POC5: variants seen among roughly 807,000 people sequenced by gnomAD.
POC5 encodes centrosomal protein POC5.
In POC5, 48 loss-of-function variants were observed where a neutral mutation model predicts 62.9. The observed-to-expected ratio is 0.76, with a 90% CI of 0.61 to 0.97. The LOEUF (loss-of-function observed/expected upper bound fraction) is 0.97. POC5 is among the 50% of genes least tolerant of loss of function. The pLI is 0.00. For synonymous variants in POC5, 236 were observed against 228.2 expected, an observed-to-expected ratio of 1.03 and a Z score of -0.31; for missense variants, 696 against 679.5, an observed-to-expected ratio of 1.02 and a Z score of -0.27.
At chr5:75,688,980 A>C in intron 9 of POC5, 32 bp downstream of exon 9, 1 of 1,504,044 alleles carries the variant, frequency 6.6e-7, no homozygotes, top group African/African-American at 1.4e-5. Context: ...TTTTTTTGAA[A>C]TTAGGCAGAG....
intron 7 of POC5, among the ~76,000 whole-genome samples, chr5:75,690,924 A>C (rs992178769): frequency 1.2e-4 from 19 of 152,246 alleles, no homozygotes; most frequent in African/African-American, 4.1e-4. Context: ...GGAGAATAAC[A>C]GAGTGGCTAG....
intron 10 of POC5, among the ~76,000 whole-genome samples, chr5:75,683,428 T>G (rs1580003494): frequency 6.6e-6 from 1 of 151,932 alleles, no homozygotes; most frequent in East Asian, 1.9e-4. Flanking sequence ...AGAGACAGGA[T>G]TTCACCATCT....
intron 2 of POC5, among the ~76,000 whole-genome samples, chr5:75,711,057 A>G (rs1013713854): frequency 6.6e-6 from 1 of 152,264 alleles, no homozygotes; most frequent in Non-Finnish European, 1.5e-5. Context: ...ATATGTCAAT[A>G]GTATTCCATG....
rs1375372587 is a variant in POC5, at chr5:75,712,835, T to C, written c.84+19A>G. The C allele has an allele frequency of 6.4e-7, 1 of 1,568,536 alleles. No homozygotes were observed. The highest frequency in any genetic ancestry group is 1.4e-5 in the African/African-American group (1 of 73,414). On this transcript the variant is annotated intron_variant, in intron 2 of 11. Coordinates refer to ENST00000428202, the MANE Select transcript of POC5 (RefSeq NM_001099271.2). ...TTAAAATAAAAAAAGTCATGGTAAA[T>C]TTAGAAATTTTTTCCTACCTGAAGA...
At chr5:75,702,156 C>T (rs1482924031) in intron 5 of POC5, among the ~76,000 whole-genome samples, 1 of 151,606 alleles carries the variant, frequency 6.6e-6, no homozygotes, top group Non-Finnish European at 1.5e-5. Flanking sequence ...ACACCGGGGC[C>T]TGTCAGGGGG....
chr5:75,694,533 T>C lies in POC5; in HGVS notation c.690+122A>G. ...GAAGAATAAATCCAATGGCTATGAA[T>C]TTTTCTGTCAGTTTCTGATAGAACC... On this transcript the variant is annotated intron_variant, in intron 6 of 11. Transcript: ENST00000428202. The C allele has an allele frequency of 3.7e-6, 3 of 804,358 alleles. No individual in the cohort carries two copies. In the South Asian group the frequency reaches 7.6e-5, roughly 20 times the overall value. The allele number at this position is 804,358 out of a possible 1,614,324, so 49.8% of individuals were successfully genotyped here.
chr5:75,683,795 T>C (rs1390994109), intron 10 of POC5, among the ~76,000 whole-genome samples: 1 of 151,698 alleles, frequency 6.6e-6, no homozygotes, highest in Admixed American at 6.6e-5. Context: ...CCTTGAACTC[T>C]TGGGCTCAAG....
In POC5 at chr5:75,698,088, A is replaced by G; in HGVS notation, c.514-3257T>C. Among the ~76,000 whole-genome samples the G allele has an allele frequency of 1.4e-5, 2 of 143,292 alleles. 1 individual carries two copies. The highest frequency in any genetic ancestry group is 3.1e-5 in the Non-Finnish European group (2 of 64,366). The allele number at this position is 143,292 out of a possible 152,430, so 94.0% of individuals were successfully genotyped here. ...TAAAGCAAGTCCTGAGTGACCTACA[A>G]AGAGACTTAGACTCCCACATATTAA... On this transcript the variant is annotated intron_variant, in intron 5 of 11. Coordinates refer to ENST00000428202, the MANE Select transcript of POC5 (RefSeq NM_001099271.2).
At chr5:75,679,150 T>A (rs1775783230) in intron 10 of POC5, among the ~76,000 whole-genome samples, 1 of 152,176 alleles carries the variant, frequency 6.6e-6, no homozygotes, top group East Asian at 1.9e-4. Flanking sequence ...TCAATGCACA[T>A]CCATTTTTTT....
At chr5:75,688,364 A>G (rs1166268752) in intron 9 of POC5, among the ~76,000 whole-genome samples, 6 of 152,210 alleles carry the variant, frequency 3.9e-5, no homozygotes, top group Non-Finnish European at 8.8e-5. Flanking sequence ...CTTCGCTCAG[A>G]GAAGAAATCT....
chr5:75,685,562 A>G, intron 9 of POC5, 78 bp from the exon 10 acceptor site: 1 of 1,454,556 alleles, frequency 6.9e-7, no homozygotes, highest in Non-Finnish European at 9.3e-7. Flanking sequence ...GAAAACACAT[A>G]CTGGCTAAAG....
intron 5 of POC5, among the ~76,000 whole-genome samples, chr5:75,701,211 C>G (rs1244697565): frequency 7.0e-6 from 1 of 142,494 alleles, no homozygotes; most frequent in Non-Finnish European, 1.6e-5. Flanking sequence ...CCAGCCATCC[C>G]ATTACGGGGT....
chr5:75,685,245 C>T lies in POC5; in HGVS notation c.1369G>A (p.Gly457Ser), dbSNP rs1394242973. 1 of 1,613,806 alleles carries T rather than the reference C, an allele frequency of 6.2e-7. No homozygotes were observed. The highest frequency in any genetic ancestry group is 1.3e-5 in the African/African-American group (1 of 75,032). The change falls in exon 10 of 12, where the codon GGT becomes AGT. Residue 457 changes from glycine to serine, a missense_variant. Gly to Ser is a moderately conservative substitution (Grantham distance 56). Transcript: ENST00000428202. The part of the protein sequence containing the change: ...SSVHVPVSAL[G>S]AGSAATAASE... ...GCAGCAGTAGCTGCAGATCCTGCACCAAGAGCAGAAACAGGAACGTGAACA... is the reference window on the plus strand; with the variant it reads ...GCAGCAGTAGCTGCAGATCCTGCACTAAGAGCAGAAACAGGAACGTGAACA...
intron 11 of POC5, among the ~76,000 whole-genome samples, chr5:75,677,250 C>T (rs186148335): frequency 1.4e-4 from 21 of 152,302 alleles, no homozygotes; most frequent in African/African-American, 4.8e-4. Flanking sequence ...AAATTCAATG[C>T]ACCTTCTTTA....
intron 5 of POC5, 117 bp downstream of exon 5, chr5:75,702,488 T>C (rs1580050221): frequency 4.0e-6 from 4 of 994,358 alleles, no homozygotes; most frequent in East Asian, 5.2e-5. Context: ...TAAACTGATC[T>C]CAGGAAACAA....
intron 1 of POC5, among the ~76,000 whole-genome samples, chr5:75,716,950 T>C (rs1215390751): frequency 6.6e-6 from 1 of 152,210 alleles, no homozygotes; most frequent in East Asian, 1.9e-4. Context: ...GAAAAGCCAT[T>C]GCAGTAAGCA....
intron 10 of POC5, among the ~76,000 whole-genome samples, chr5:75,683,239 GTTTT>G (rs10577952): frequency 4.1e-4 from 60 of 146,288 alleles, no homozygotes; most frequent in Admixed American, 1.4e-3. Flanking sequence ...TAACAGTGTT[GTTTT>G]TTTTTTTTTT....
chr5:75,674,834 C>T (rs78785093), intron 11 of POC5, among the ~76,000 whole-genome samples: 215 of 152,324 alleles, frequency 1.4e-3, no homozygotes, highest in African/African-American at 5.0e-3. Context: ...AAGAAAGCCA[C>T]GGCAGCCATT....
chr5:75,686,892 T>C (rs1205878784), intron 9 of POC5, among the ~76,000 whole-genome samples: 1 of 152,164 alleles, frequency 6.6e-6, no homozygotes. Flanking sequence ...ATTTGTAAGA[T>C]TTAAGATACT....
Sources: allele counts gnomAD v4.1 joint callset (sites outside exome capture counted in the v4.1 genomes callset), GRCh38; gene constraint gnomAD v4.1.1; transcripts MANE v1.5; gene names NCBI Gene and HGNC (gene_info 2026-07-23, HGNC 2026-07-21).